MAB21L3: variants seen among roughly 807,000 people sequenced by gnomAD.
MAB21L3 encodes protein mab-21-like 3.
A neutral mutation model predicts 37.7 loss-of-function variants in MAB21L3; 36 were observed. The ratio of observed to expected loss-of-function variants is 0.96; its 90% CI spans 0.73 to 1.26. The LOEUF (loss-of-function observed/expected upper bound fraction) is 1.26. MAB21L3 is among the 50% of genes most tolerant of loss of function. MAB21L3 has a pLI of 0.00. For synonymous variants in MAB21L3, 186 were observed against 176.8 expected (o/e 1.05, Z -0.41); for missense variants, 430 against 447.3 (o/e 0.96, Z 0.35).
At chr1:116,127,676 C>T (rs893174262) in intron 6 of MAB21L3, 32 bp downstream of exon 6, 1 of 1,582,902 alleles carries the variant, frequency 6.3e-7, no homozygotes, top group African/African-American at 1.4e-5. Context: ...CTTGCCAGAG[C>T]AGTGATGCCA....
At chr1:116,115,773 A>G (rs151183207) in intron 3 of MAB21L3, among the ~76,000 whole-genome samples, 17 of 152,324 alleles carry the variant, frequency 1.1e-4, no homozygotes, top group Admixed American at 3.3e-4. Flanking sequence ...TGAGCTATTA[A>G]TAGCAGCAAA....
chr1:116,116,227 T>A (rs555044334), intron 3 of MAB21L3, among the ~76,000 whole-genome samples: 138 of 151,990 alleles, frequency 9.1e-4, no homozygotes, highest in Non-Finnish European at 1.7e-3. Flanking sequence ...TGACAAGAGG[T>A]GTCTGGCACT....
intron 3 of MAB21L3, among the ~76,000 whole-genome samples, chr1:116,113,882 T>C (rs1255888109): frequency 6.6e-6 from 1 of 152,184 alleles, no homozygotes; most frequent in Admixed American, 6.5e-5. Context: ...CACTTGCTCC[T>C]GGTCCCCGCT....
chr1:116,115,464 A>G (rs1392947447), intron 3 of MAB21L3, among the ~76,000 whole-genome samples: 1 of 152,218 alleles, frequency 6.6e-6, no homozygotes, highest in Non-Finnish European at 1.5e-5. Context: ...AAATTTTTCT[A>G]ACTGATGATT....
In MAB21L3 at chr1:116,137,837, A is replaced by G. The variant is rs1660225014; in HGVS notation, c.*4472A>G. Among the ~76,000 whole-genome samples the G allele has an allele frequency of 6.6e-6, 1 of 151,728 alleles. No homozygotes were observed. Among genetic ancestry groups the G allele is most frequent in the South Asian group, 2.1e-4 (1 of 4,804 alleles). On this transcript the variant is annotated 3_prime_UTR_variant, in exon 8 of 8. Transcript: ENST00000369500. ...TGTCCTTTGTAGGGACATGGGTGAA[A>G]TTGGAAATCATCATTCTCAGTAAAC...
chr1:116,121,981 A>G (rs1659763601), intron 4 of MAB21L3, among the ~76,000 whole-genome samples: 1 of 152,108 alleles, frequency 6.6e-6, no homozygotes. Context: ...TTCATGGCCC[A>G]TTTCTCACAA....
intron 3 of MAB21L3, among the ~76,000 whole-genome samples, chr1:116,120,433 AC>A (rs1305810499): frequency 6.2e-5 from 8 of 129,808 alleles, no homozygotes; most frequent in African/African-American, 3.3e-4. Context: ...ACACACACAA[AC>A]ACACACACAC....
chr1:116,133,054 A>C, intron 7 of MAB21L3, 78 bp from the exon 8 acceptor site: 7 of 1,218,960 alleles, frequency 5.7e-6, no homozygotes, highest in Non-Finnish European at 8.3e-6. Flanking sequence ...CCAAGGCCAC[A>C]TAAGCTCAAT....
At chr1:116,114,245 A>C (rs1434021656) in intron 3 of MAB21L3, among the ~76,000 whole-genome samples, 1 of 152,204 alleles carries the variant, frequency 6.6e-6, no homozygotes, top group Non-Finnish European at 1.5e-5. Context: ...AGGGAAGAAC[A>C]GTGTCTTGCA....
At chr1:116,131,204 G>A (rs1253753448) in intron 7 of MAB21L3, among the ~76,000 whole-genome samples, 3 of 152,204 alleles carry the variant, frequency 2.0e-5, no homozygotes, top group African/African-American at 4.8e-5. Context: ...AACTACTACT[G>A]TTGTCGCTGC....
chr1:116,128,415 C>T, intron 7 of MAB21L3, 76 bp downstream of exon 7: 1 of 1,398,014 alleles, frequency 7.2e-7, no homozygotes, highest in South Asian at 1.5e-5. Flanking sequence ...TCTGTAGGGC[C>T]TGGCCAGAGC....
chr1:116,133,465 A>G lies in MAB21L3; in HGVS notation c.*100A>G. On this transcript the variant is annotated 3_prime_UTR_variant, in exon 8 of 8. Transcript: ENST00000369500. ...AGGTGCCAGGATCCTGCCTAGGAGA[A>G]AGGCCACGAATGGCAGCGGAAATTA... 1.9e-6 allele frequency: 2 copies of G among 1,057,792 alleles called. No homozygotes were observed. The highest frequency in any genetic ancestry group is 2.8e-6 in the Non-Finnish European group (2 of 715,828). The allele number at this position is 1,057,792 out of a possible 1,614,324, so 65.5% of individuals were successfully genotyped here.
At position 116,136,817 on chromosome 1, in the gene MAB21L3, G is replaced by A. The variant is rs1169055717; in HGVS notation, c.*3452G>A. On this transcript the variant is annotated 3_prime_UTR_variant, in exon 8 of 8. Transcript: ENST00000369500. ...ACAGAACAGAGCCCTCAGAAATAAC[G>A]CCGCATATCTACAACTATCTGATCT... 6.7e-5 allele frequency among the ~76,000 whole-genome samples: 10 copies of A among 149,154 alleles called. No homozygotes were observed. The highest frequency in any genetic ancestry group is 3.9e-4 in the East Asian group (2 of 5,104).
intron 4 of MAB21L3, among the ~76,000 whole-genome samples, chr1:116,121,750 T>C (rs1026350937): frequency 1.3e-5 from 2 of 152,046 alleles, no homozygotes; most frequent in Admixed American, 1.3e-4. Context: ...AGCCAATGGG[T>C]AACACCAGCA....
In MAB21L3 at chr1:116,136,411, T is replaced by A. The variant is rs1660199182; in HGVS notation, c.*3046T>A. On this transcript the variant is annotated 3_prime_UTR_variant, in exon 8 of 8. Coordinates refer to ENST00000369500, the MANE Select transcript of MAB21L3 (RefSeq NM_152367.3). ...AGAATAAAATACTTAGGAATCCAACTTACAAGGGACGTGAAGGACCTCTTC... is the reference window on the plus strand; with the variant it reads ...AGAATAAAATACTTAGGAATCCAACATACAAGGGACGTGAAGGACCTCTTC... Among the ~76,000 whole-genome samples, 1 of 151,904 alleles carries A rather than the reference T, an allele frequency of 6.6e-6. No individual in the cohort carries two copies. Among genetic ancestry groups the A allele is most frequent in the Non-Finnish European group, 1.5e-5 (1 of 67,876 alleles).
chr1:116,112,584 T>C lies in MAB21L3; in HGVS notation c.-32T>C. The C allele has an allele frequency of 1.3e-6, 2 of 1,581,918 alleles. No homozygotes were observed. Among genetic ancestry groups the C allele is most frequent in the Middle Eastern group, 1.7e-4 (1 of 5,856 alleles). On this transcript the variant is annotated 5_prime_UTR_variant, in exon 3 of 8. Transcript: ENST00000369500. ...TGAGAAAAAAAAAAAAACCAGGAAGTTGCTGTTCTACTGAGGACTGACCAA... is the reference window on the plus strand; with the variant it reads ...TGAGAAAAAAAAAAAAACCAGGAAGCTGCTGTTCTACTGAGGACTGACCAA...
intron 3 of MAB21L3, among the ~76,000 whole-genome samples, chr1:116,114,245 A>T (rs1434021656): frequency 6.6e-6 from 1 of 152,204 alleles, no homozygotes; most frequent in Non-Finnish European, 1.5e-5. Flanking sequence ...AGGGAAGAAC[A>T]GTGTCTTGCA....
At position 116,122,434 on chromosome 1, in the gene MAB21L3, A is replaced by C. The variant is rs549986818; in HGVS notation, c.189+1362A>C. Among the ~76,000 whole-genome samples, 16 of 152,390 alleles carry C rather than the reference A, an allele frequency of 1.0e-4. No individual in the cohort carries two copies. The South Asian group carries it at 3.3e-3, about 32-fold the overall frequency. ...TTCAGTGGTCCCACTTAGAATTCAT[A>C]GCTTAAAATATATCTTGCATTTATA... is the stretch of plus-strand genomic sequence containing the variant. On this transcript the variant is annotated intron_variant, in intron 4 of 7. Transcript: ENST00000369500.
chr1:116,122,446 ATCTTGCATTTATATATGTCATG>A (rs1185651842), intron 4 of MAB21L3, among the ~76,000 whole-genome samples: 1 of 152,254 alleles, frequency 6.6e-6, no homozygotes, highest in Non-Finnish European at 1.5e-5. Flanking sequence ...CTTAAAATAT[ATCTTGCATTTATATATGTCATG>A]TCTCACATAT....
Sources: allele counts gnomAD v4.1 joint callset (sites outside exome capture counted in the v4.1 genomes callset), GRCh38; gene constraint gnomAD v4.1.1; transcripts MANE v1.5; gene names NCBI Gene and HGNC (gene_info 2026-07-23, HGNC 2026-07-21).